SUSD3: variants seen among roughly 807,000 people sequenced by gnomAD.
SUSD3 encodes sushi domain-containing protein 3.
SUSD3 carries 18 observed loss-of-function variants against 20.6 expected under a neutral mutation model. The observed-to-expected ratio is 0.87, with a 90% CI of 0.60 to 1.30. SUSD3 has a LOEUF of 1.30. Ranked by LOEUF, SUSD3 falls within the 50% of genes most tolerant of loss-of-function variation. SUSD3 has a pLI of 0.00. For missense variants in SUSD3, 306 were observed against 346.9 expected (o/e 0.88, Z 0.94); for synonymous variants, 137 against 141.5 (o/e 0.97, Z 0.23).
rs749923553 is a variant in SUSD3, at chr9:93,084,732, A to G, written c.753A>G (p.Ala251=). The G allele has an allele frequency of 2.2e-5, 34 of 1,580,434 alleles. No individual in the cohort carries two copies. Among genetic ancestry groups the G allele is most frequent in the Non-Finnish European group, 2.7e-5 (31 of 1,163,172 alleles). The change falls in exon 5 of 5, where the codon GCA becomes GCG. Residue 251 remains alanine, a synonymous_variant. Coordinates refer to ENST00000375472, the MANE Select transcript of SUSD3 (RefSeq NM_145006.4). The part of the protein sequence containing the change: ...LATGMPQQPA[A]YALG ...CAGGAATGCCACAACAGCCCGCAGC[A>G]TATGCCCTAGGGTGACCACGCAGTG...
intron 1 of SUSD3, 29 bp from the exon 2 acceptor site, chr9:93,075,755 C>CCCCCCCCCCCCCA: frequency 4.2e-6 from 2 of 474,314 alleles, no homozygotes; most frequent in South Asian, 2.3e-5. Flanking sequence ...CCCCCCCCCG[C>CCCCCCCCCCCCCA]CATGCCTCAT....
In SUSD3 at chr9:93,061,386, C is replaced by T. The variant is rs139028635; in HGVS notation, c.88+2556C>T. On this transcript the variant is annotated intron_variant, in intron 1 of 4. Transcript: ENST00000375472. ...ATGCCTGGCTATGGCCTCCTGCCAC[C>T]CATTGGCATCGAAAGAGCTGCTGGT... Among the ~76,000 whole-genome samples the T allele has an allele frequency of 4.6e-5, 7 of 152,396 alleles. No homozygotes were observed. In the East Asian group the frequency reaches 1.3e-3, roughly 29 times the overall value.
At chr9:93,068,950 C>A (rs927965017) in intron 1 of SUSD3, 15 of 526,744 alleles carry the variant, frequency 2.8e-5, no homozygotes, top group African/African-American at 2.3e-4. Flanking sequence ...TAATGATAAC[C>A]AGTAATAAGT....
In SUSD3 at chr9:93,082,151, C is replaced by G. The variant is rs12344816; in HGVS notation, c.558-2386C>G. ...CCGTCAGCATTTCTTTGATGAATGTCGAGGAAGAATGTTTTCTCCAGCCTT... is the reference window on the plus strand; with the variant it reads ...CCGTCAGCATTTCTTTGATGAATGTGGAGGAAGAATGTTTTCTCCAGCCTT... On this transcript the variant is annotated intron_variant, in intron 4 of 4. Transcript: ENST00000375472. 5.0e-3 allele frequency among the ~76,000 whole-genome samples: 755 copies of G among 152,264 alleles called. 6 individuals are homozygous for G. Among genetic ancestry groups the G allele is most frequent in the African/African-American group, 0.017 (720 of 41,534 alleles).
intron 4 of SUSD3, among the ~76,000 whole-genome samples, chr9:93,082,973 C>T (rs1019639293): frequency 2.0e-5 from 3 of 152,214 alleles, no homozygotes; most frequent in African/African-American, 7.2e-5. Context: ...CTGCCTCTTA[C>T]ACTGCGGGAA....
At chr9:93,069,031 ATAGACGG>A (rs1825820361) in intron 1 of SUSD3, 1 of 684,930 alleles carries the variant, frequency 1.5e-6, no homozygotes, top group Middle Eastern at 2.3e-4. Context: ...AAATATCTTA[ATAGACGG>A]TACTCACCCT....
At chr9:93,066,285 G>A (rs777187718) in intron 1 of SUSD3, among the ~76,000 whole-genome samples, 9 of 152,210 alleles carry the variant, frequency 5.9e-5, no homozygotes, top group Non-Finnish European at 1.5e-5. Context: ...CCATGTTGGA[G>A]TGCAGTGGCA....
At chr9:93,061,669 G>C (rs1032728207) in intron 1 of SUSD3, among the ~76,000 whole-genome samples, 17 of 152,234 alleles carry the variant, frequency 1.1e-4, no homozygotes, top group African/African-American at 3.9e-4. Flanking sequence ...CCCACATGTA[G>C]TGTTGGGGCC....
At chr9:93,082,449 C>T (rs1000417047) in intron 4 of SUSD3, among the ~76,000 whole-genome samples, 72 of 151,860 alleles carry the variant, frequency 4.7e-4, no homozygotes, top group African/African-American at 1.6e-3. Context: ...TCCCAAGTAG[C>T]TGGGACCACA....
chr9:93,069,168 C>G, intron 1 of SUSD3: 1 of 702,276 alleles, frequency 1.4e-6, no homozygotes, highest in Admixed American at 2.0e-5. Flanking sequence ...ACACTGTGAG[C>G]CACTCTGAGT....
Position 93,084,681 on chromosome 9 carries a change from G to C in SUSD3, c.702G>C (p.Gln234His). ...QVMVHMANPRQPLPASGLATG... is the reference protein window; with the variant it reads ...QVMVHMANPRHPLPASGLATG... ...TGGTGCACATGGCAAACCCCAGACA[G>C]CCCCTGCCTGCCTCTGGGCTGGCCA... Residue 234 changes from glutamine (Q) to histidine (H), a missense_variant, in exon 5 of 5, where the codon CAG becomes CAC. Transcript: ENST00000375472. The C allele has an allele frequency of 1.1e-5, 17 of 1,604,270 alleles. No individual in the cohort carries two copies. The highest frequency in any genetic ancestry group is 1.4e-5 in the Non-Finnish European group (17 of 1,175,174).
chr9:93,072,694 C>T (rs1454316835), intron 1 of SUSD3, among the ~76,000 whole-genome samples: 2 of 152,226 alleles, frequency 1.3e-5, no homozygotes, highest in East Asian at 3.8e-4. Context: ...CACGTGACTG[C>T]TCCTGGGCAG....
At position 93,075,851 on chromosome 9, in the gene SUSD3, C is replaced by A; in HGVS notation, c.156C>A (p.Ser52=). 1 of 1,612,680 alleles carries A rather than the reference C, an allele frequency of 6.2e-7. No homozygotes were observed. The highest frequency in any genetic ancestry group is 8.5e-7 in the Non-Finnish European group (1 of 1,179,454). Residue 52 remains serine, a synonymous_variant, in exon 2 of 5, where the codon TCC becomes TCA. Coordinates refer to ENST00000375472, the MANE Select transcript of SUSD3 (RefSeq NM_145006.4). ...TFQVLRGNGA[S]VGTVLMFRCP... ...AAGTCCTTCGTGGCAATGGTGCTTCCGTGGGGACCGTGCTCATGTTCCGCT... is the reference window on the plus strand; with the variant it reads ...AAGTCCTTCGTGGCAATGGTGCTTCAGTGGGGACCGTGCTCATGTTCCGCT...
intron 1 of SUSD3, among the ~76,000 whole-genome samples, chr9:93,070,321 G>A (rs1444653923): frequency 6.6e-6 from 1 of 152,178 alleles, no homozygotes; most frequent in African/African-American, 2.4e-5. Flanking sequence ...AGAATGTGGG[G>A]TGCTCTTGAA....
At chr9:93,081,626 G>A (rs115549466) in intron 4 of SUSD3, among the ~76,000 whole-genome samples, 2,545 of 152,270 alleles carry the variant, frequency 0.017, 75 homozygotes, top group African/African-American at 0.057. Flanking sequence ...CTGTGGCCCT[G>A]GGTTACACAC....
chr9:93,080,472 A>C (rs982405563), intron 4 of SUSD3, among the ~76,000 whole-genome samples: 1 of 152,060 alleles, frequency 6.6e-6, no homozygotes, highest in African/African-American at 2.4e-5. Flanking sequence ...TTTTCATGGC[A>C]TAGTCTTCTG....
chr9:93,079,750 A>T, intron 4 of SUSD3, 148 bp downstream of exon 4: 1 of 787,388 alleles, frequency 1.3e-6, no homozygotes, highest in Non-Finnish European at 2.0e-6. Context: ...TCTCTAAAAC[A>T]AGAGGCTGGT....
At chr9:93,069,019 C>T in intron 1 of SUSD3, 1 of 659,580 alleles carries the variant, frequency 1.5e-6, no homozygotes. Context: ...CTCTCTCTCT[C>T]TAAATATCTT....
chr9:93,075,736 G>GGGGGCCCCCCCC, intron 1 of SUSD3, 48 bp from the exon 2 acceptor site: 2 of 272,216 alleles, frequency 7.3e-6, no homozygotes, highest in Admixed American at 7.7e-5. Context: ...TGCCCTGCGT[G>GGGGGCCCCCCCC]CCCACCCCCC....
Sources: allele counts gnomAD v4.1 joint callset (sites outside exome capture counted in the v4.1 genomes callset), GRCh38; gene constraint gnomAD v4.1.1; transcripts MANE v1.5; gene names NCBI Gene and HGNC (gene_info 2026-07-23, HGNC 2026-07-21).